Variants in ST7 observed in about 807,000 individuals in gnomAD.
ST7 encodes suppressor of tumorigenicity 7 protein.
Under a neutral mutation model 78.7 loss-of-function variants are expected in ST7, and 28 were observed. The ratio of observed to expected loss-of-function variants is 0.36; its 90% CI spans 0.26 to 0.49. ST7 has a LOEUF of 0.49. Ranked by LOEUF, ST7 falls within the 20% of genes least tolerant of loss-of-function variation. ST7 has a pLI of 0.99. For synonymous variants in ST7, 247 were observed against 249.6 expected (o/e 0.99, Z 0.10); for missense variants, 418 against 696.0 (o/e 0.60, Z 4.49).
At chr7:117,156,933 C>T (rs1410554995) in intron 9 of ST7, among the ~76,000 whole-genome samples, 1 of 152,046 alleles carries the variant, frequency 6.6e-6, no homozygotes, top group Admixed American at 6.6e-5. Flanking sequence ...ATCTAGATAA[C>T]GTCAAGGTCT....
At chr7:117,210,487 G>A (rs1792191882) in intron 13 of ST7, among the ~76,000 whole-genome samples, 1 of 152,182 alleles carries the variant, frequency 6.6e-6, no homozygotes, top group South Asian at 2.1e-4. Context: ...GATGAATGCG[G>A]GCTTGTTCTC....
At chr7:117,113,068 C>A (rs564457711) in intron 2 of ST7, among the ~76,000 whole-genome samples, 1 of 152,126 alleles carries the variant, frequency 6.6e-6, no homozygotes, top group Admixed American at 6.5e-5. Context: ...GATAAAGGGA[C>A]AAAACTGCCA....
chr7:117,152,981 G>A (rs553285839), intron 9 of ST7, among the ~76,000 whole-genome samples: 1 of 152,152 alleles, frequency 6.6e-6, no homozygotes, highest in South Asian at 2.1e-4. Context: ...AAATGTTCTG[G>A]GTTTAATTTA....
intron 1 of ST7, among the ~76,000 whole-genome samples, chr7:117,012,756 T>A (rs796593384): frequency 3.9e-5 from 6 of 152,264 alleles, no homozygotes; most frequent in African/African-American, 1.4e-4. Flanking sequence ...AAAACTTGCT[T>A]AATTAGGATA....
intron 3 of ST7, among the ~76,000 whole-genome samples, chr7:117,121,474 T>G (rs1052238500): frequency 6.6e-6 from 1 of 152,214 alleles, no homozygotes; most frequent in African/African-American, 2.4e-5. Flanking sequence ...GGAACAAAAT[T>G]TATGTATACA....
At chr7:116,981,414 T>C (rs750738707) in intron 1 of ST7, among the ~76,000 whole-genome samples, 13 of 152,212 alleles carry the variant, frequency 8.5e-5, no homozygotes, top group Non-Finnish European at 1.6e-4. Flanking sequence ...CTGGCCTCAA[T>C]GGTTCCTCAT....
intron 9 of ST7, chr7:117,146,550 G>T (rs1451358249): frequency 6.6e-6 from 1 of 152,320 alleles, no homozygotes. Context: ...AAGCGGAGGA[G>T]TCGGTCAGCA....
At chr7:117,022,604 G>A (rs1256422047) in intron 1 of ST7, among the ~76,000 whole-genome samples, 1 of 152,118 alleles carries the variant, frequency 6.6e-6, no homozygotes, top group African/African-American at 2.4e-5. Context: ...AGTCACATTT[G>A]AAATTCCAAT....
intron 1 of ST7, among the ~76,000 whole-genome samples, chr7:117,076,331 A>G (rs1447980416): frequency 6.6e-6 from 1 of 152,264 alleles, no homozygotes; most frequent in East Asian, 1.9e-4. Flanking sequence ...CAGATTATCA[A>G]TTTGGGATTT....
chr7:117,166,761 C>T (rs35577833), intron 9 of ST7, among the ~76,000 whole-genome samples: 7,081 of 151,896 alleles, frequency 0.047, 263 homozygotes, highest in Non-Finnish European at 0.068. Flanking sequence ...TGGTGGTGGG[C>T]GCCTGTAGTT....
chr7:117,009,262 T>TG, intron 1 of ST7, among the ~76,000 whole-genome samples: 1 of 21,420 alleles, frequency 4.7e-5, no homozygotes, highest in African/African-American at 1.5e-4. Flanking sequence ...TTTTTGTTTT[T>TG]TTTTTTTTGT....
chr7:117,015,364 T>G (rs767526304), intron 1 of ST7, among the ~76,000 whole-genome samples: 1 of 152,212 alleles, frequency 6.6e-6, no homozygotes, highest in Non-Finnish European at 1.5e-5. Context: ...GGGAATAAAA[T>G]ATGTACACAG....
intron 1 of ST7, among the ~76,000 whole-genome samples, chr7:117,094,222 C>T (rs563075891): frequency 6.6e-6 from 1 of 152,304 alleles, no homozygotes; most frequent in East Asian, 1.9e-4. Context: ...CCACCAGTGC[C>T]TTAACTGCGC....
At chr7:117,133,972 C>A (rs934936600) in intron 6 of ST7, 152 bp from the exon 7 acceptor site, 7 of 978,684 alleles carry the variant, frequency 7.2e-6, no homozygotes, top group Non-Finnish European at 8.8e-6. Flanking sequence ...CCTTCTGAAT[C>A]TCATGCCATT....
At position 117,136,241 on chromosome 7, in the gene ST7, G is replaced by A. The variant is rs777768322; in HGVS notation, c.865+6G>A. ...CCAGTATGAAGCCCAACATAGTAAGGTTTCCTGCAGGTTGATGCATTGGGG... is the reference window on the plus strand; with the variant it reads ...CCAGTATGAAGCCCAACATAGTAAGATTTCCTGCAGGTTGATGCATTGGGG... On this transcript the variant is annotated splice_donor_region_variant and intron_variant, in intron 8 of 15. Transcript: ENST00000323984. 9.3e-6 allele frequency: 15 copies of A among 1,613,478 alleles called. No individual in the cohort carries two copies. Among genetic ancestry groups the A allele is most frequent in the African/African-American group, 2.7e-5 (2 of 74,860 alleles).
intron 1 of ST7, among the ~76,000 whole-genome samples, chr7:116,976,811 T>A (rs1053966626): frequency 6.6e-6 from 1 of 152,232 alleles, no homozygotes; most frequent in Non-Finnish European, 1.5e-5. Context: ...CAGTAATAGA[T>A]GCAAACTCCT....
At chr7:117,067,573 G>A (rs533837190) in intron 1 of ST7, among the ~76,000 whole-genome samples, 2 of 152,268 alleles carry the variant, frequency 1.3e-5, no homozygotes, top group Admixed American at 6.5e-5. Flanking sequence ...ATGGGCCAGA[G>A]TGATGAGCTG....
chr7:117,025,618 C>A (rs1211679570), intron 1 of ST7, among the ~76,000 whole-genome samples: 5 of 152,064 alleles, frequency 3.3e-5, no homozygotes, highest in Non-Finnish European at 7.4e-5. Flanking sequence ...AAGTAGAAAA[C>A]CACAGACTGC....
chr7:117,161,233 CTT>C (rs1343932444), intron 9 of ST7, among the ~76,000 whole-genome samples: 1 of 151,916 alleles, frequency 6.6e-6, no homozygotes, highest in Non-Finnish European at 1.5e-5. Flanking sequence ...AAATTCAACT[CTT>C]TATGACTTGA....
Sources: gnomAD v4.1 joint callset for allele counts (sites outside exome capture counted in the v4.1 genomes callset) on GRCh38, gnomAD v4.1.1 for gene constraint, MANE v1.5 for transcripts, NCBI Gene and HGNC (gene_info 2026-07-23, HGNC 2026-07-21) for gene names.